The following DENND2A variants were observed in gnomAD, a reference collection of about 807,000 sequenced individuals.
DENND2A encodes DENN domain containing 2A.
DENND2A carries 53 observed loss-of-function variants against 105.3 expected under a neutral mutation model. The ratio of observed to expected loss-of-function variants is 0.50; its 90% CI spans 0.40 to 0.63. DENND2A has a LOEUF of 0.63. DENND2A is among the 30% of genes least tolerant of loss of function. The probability of loss-of-function intolerance (pLI) is 0.00; values close to 1 mark genes in which losing one functional copy is unlikely to be tolerated. For missense variants in DENND2A, 1,138 were observed against 1,279.6 expected, an observed-to-expected ratio of 0.89 and a Z score of 1.69; for synonymous variants, 522 against 508.4, an observed-to-expected ratio of 1.03 and a Z score of -0.36.
chr7:140,577,621 C>T (rs1798359567), intron 5 of DENND2A, among the ~76,000 whole-genome samples: 2 of 152,128 alleles, frequency 1.3e-5, no homozygotes, highest in South Asian at 4.1e-4. Flanking sequence ...TGGTCTCAAA[C>T]TCCTGACCTT....
chr7:140,615,681 G>A (rs1449039768), intron 1 of DENND2A, among the ~76,000 whole-genome samples: 1 of 151,844 alleles, frequency 6.6e-6, no homozygotes, highest in Admixed American at 6.6e-5. Context: ...ACTGAGGCAA[G>A]AGCGCACCAC....
chr7:140,582,041 T>C (rs566568433), intron 5 of DENND2A, among the ~76,000 whole-genome samples: 227 of 151,926 alleles, frequency 1.5e-3, no homozygotes, highest in African/African-American at 5.3e-3. Context: ...CTTGGCTTAC[T>C]GCAACCTCTG....
At chr7:140,612,188 C>T (rs796171984) in intron 1 of DENND2A, among the ~76,000 whole-genome samples, 38 of 151,602 alleles carry the variant, frequency 2.5e-4, no homozygotes, top group Middle Eastern at 3.4e-3. Context: ...TTGCCATGAG[C>T]CAAGATTGCC....
At chr7:140,519,896 CT>C in intron 18 of DENND2A, among the ~76,000 whole-genome samples, 178 bp from the exon 19 acceptor site, 1 of 152,194 alleles carries the variant, frequency 6.6e-6, no homozygotes, top group Non-Finnish European at 1.5e-5. Context: ...ATTGCCCCAC[CT>C]GTGCAGTAAC....
chr7:140,530,179 G>A (rs144406779), intron 14 of DENND2A, among the ~76,000 whole-genome samples: 13 of 152,100 alleles, frequency 8.5e-5, no homozygotes, highest in African/African-American at 3.1e-4. Context: ...AGCCGTGATC[G>A]TGTCACTGCA....
chr7:140,533,862 G>A (rs1003009098), intron 14 of DENND2A, among the ~76,000 whole-genome samples: 6 of 152,088 alleles, frequency 3.9e-5, no homozygotes, highest in African/African-American at 1.4e-4. Flanking sequence ...AGACAATACG[G>A]CAACAAGCAG....
chr7:140,550,319 A>G (rs1797076902), intron 12 of DENND2A, among the ~76,000 whole-genome samples: 1 of 146,302 alleles, frequency 6.8e-6, no homozygotes, highest in Non-Finnish European at 1.5e-5. Flanking sequence ...CAGCCTCCCG[A>G]GTAGCTGGGA....
At chr7:140,578,964 GC>G (rs1214391248) in intron 5 of DENND2A, among the ~76,000 whole-genome samples, 2 of 152,246 alleles carry the variant, frequency 1.3e-5, no homozygotes, top group African/African-American at 4.8e-5. Flanking sequence ...TACCGTGCAG[GC>G]AATAAAAACT....
At chr7:140,631,254 G>A (rs1310635316) in intron 1 of DENND2A, among the ~76,000 whole-genome samples, 1 of 152,184 alleles carries the variant, frequency 6.6e-6, no homozygotes, top group African/African-American at 2.4e-5. Context: ...GAAGGAACAT[G>A]TGGATCTGCC....
intron 6 of DENND2A, among the ~76,000 whole-genome samples, chr7:140,570,935 T>C (rs1798068294): frequency 6.6e-6 from 1 of 152,246 alleles, no homozygotes; most frequent in African/African-American, 2.4e-5. Context: ...GTATTTTGCT[T>C]TGCTGGGTCC....
intron 1 of DENND2A, among the ~76,000 whole-genome samples, chr7:140,637,101 C>T (rs6942870): frequency 1.3e-5 from 2 of 152,048 alleles, no homozygotes; most frequent in Non-Finnish European, 2.9e-5. Flanking sequence ...CTGCCTGCCT[C>T]GGCCTCCCAA....
chr7:140,597,118 A>G (rs1378602024), intron 3 of DENND2A, among the ~76,000 whole-genome samples: 1 of 152,240 alleles, frequency 6.6e-6, no homozygotes. Flanking sequence ...AGAGAAGAGG[A>G]GAAAAGAAAA....
intron 1 of DENND2A, among the ~76,000 whole-genome samples, chr7:140,619,000 G>C (rs184849837): frequency 8.3e-4 from 126 of 152,198 alleles, no homozygotes; most frequent in African/African-American, 3.0e-3. Context: ...GGTTTTCACT[G>C]TGTTGGCCAG....
At chr7:140,541,578 T>C (rs1210547908) in intron 14 of DENND2A, among the ~76,000 whole-genome samples, 1 of 152,184 alleles carries the variant, frequency 6.6e-6, no homozygotes, top group African/African-American at 2.4e-5. Flanking sequence ...AGACAGTTAC[T>C]ATGGTGCTGA....
chr7:140,587,543 T>G, intron 4 of DENND2A, 110 bp downstream of exon 4: 1 of 1,418,136 alleles, frequency 7.1e-7, no homozygotes. Context: ...TCTTCAAGTG[T>G]GTGTGTGTGT....
At chr7:140,602,616 T>TA in intron 2 of DENND2A, 74 bp from the exon 3 acceptor site, 1 of 420,876 alleles carries the variant, frequency 2.4e-6, no homozygotes, top group Non-Finnish European at 4.1e-6. Flanking sequence ...TGCTAGAACT[T>TA]AGATATAAAT....
At position 140,576,759 on chromosome 7, in the gene DENND2A, A is replaced by G. The variant is rs543443742; in HGVS notation, c.1246-2751T>C. 2.6e-5 allele frequency among the ~76,000 whole-genome samples: 4 copies of G among 152,334 alleles called. No homozygotes were observed. The East Asian group carries it at 7.7e-4, about 29-fold the overall frequency. ...TAGTGCCATAAACTTTCAGTAGAGG[A>G]AGAGCTGACCTGGATTGGGCACCAT... On this transcript the variant is annotated intron_variant, in intron 5 of 19. Transcript: ENST00000496613.
chr7:140,550,407 G>C (rs1273017374), intron 12 of DENND2A, among the ~76,000 whole-genome samples: 2 of 152,028 alleles, frequency 1.3e-5, no homozygotes, highest in Admixed American at 1.3e-4. Flanking sequence ...GCCCAGGCTG[G>C]AGTGCAGTGG....
At chr7:140,622,703 G>C (rs1176428888) in intron 1 of DENND2A, among the ~76,000 whole-genome samples, 1 of 151,922 alleles carries the variant, frequency 6.6e-6, no homozygotes, top group Non-Finnish European at 1.5e-5. Context: ...AACCCTCTAG[G>C]GGGACACTGA....
Sources: allele counts gnomAD v4.1 joint callset (sites outside exome capture counted in the v4.1 genomes callset), GRCh38; gene constraint gnomAD v4.1.1; transcripts MANE v1.5; gene names NCBI Gene and HGNC (gene_info 2026-07-23, HGNC 2026-07-21).